Variants in TRIM71 observed in about 807,000 individuals in gnomAD.
TRIM71 encodes the protein E3 ubiquitin-protein ligase TRIM71.
A neutral mutation model predicts 61.2 loss-of-function variants in TRIM71; 9 were observed. That is an observed-to-expected ratio of 0.15 (90% CI 0.09 to 0.26). The LOEUF is 0.26. Among genes scored for constraint, TRIM71 ranks in the 10% least tolerant of loss-of-function variants. The pLI is 1.00. For missense variants in TRIM71, 998 were observed against 1,238.7 expected (o/e 0.81, Z 2.92); for synonymous variants, 645 against 553.2 (o/e 1.17, Z -2.33).
chr3:32,883,029 T>C (rs764080602), intron 2 of TRIM71, among the ~76,000 whole-genome samples: 8 of 152,226 alleles, frequency 5.3e-5, no homozygotes, highest in African/African-American at 1.9e-4. Context: ...ACTCTCTGCC[T>C]CAGTGTGCTC....
chr3:32,834,771 G>A (rs1230708051), intron 1 of TRIM71, among the ~76,000 whole-genome samples: 1 of 152,126 alleles, frequency 6.6e-6, no homozygotes, highest in Non-Finnish European at 1.5e-5. Flanking sequence ...GAACCTGGGA[G>A]GTGGAGGTTG....
At position 32,897,476 on chromosome 3, in the gene TRIM71, C is replaced by A. The variant is rs893653998; in HGVS notation, c.*5665C>A. ...GGGAAATGAAGATTTCCCCCCAAACCTTTAGGCAAAAGTGAGTTTTTGTTT... is the reference window on the plus strand; with the variant it reads ...GGGAAATGAAGATTTCCCCCCAAACATTTAGGCAAAAGTGAGTTTTTGTTT... On this transcript the variant is annotated 3_prime_UTR_variant, in exon 4 of 4. Transcript: ENST00000383763. 6.6e-6 allele frequency: 1 copy of A among 152,102 alleles called. No homozygotes were observed. The highest frequency in any genetic ancestry group is 1.5e-5 in the Non-Finnish European group (1 of 68,020). 9.4% of individuals were successfully genotyped at this position (152,102 alleles called of 1,614,324 possible).
intron 2 of TRIM71, among the ~76,000 whole-genome samples, chr3:32,885,409 C>T (rs1696949502): frequency 6.6e-6 from 1 of 152,168 alleles, no homozygotes; most frequent in Non-Finnish European, 1.5e-5. Context: ...GGGATATTCC[C>T]AGTGTGCACT....
chr3:32,829,180 CTTTTCTTTTTTTT>C (rs914051534), intron 1 of TRIM71, among the ~76,000 whole-genome samples: 6 of 143,620 alleles, frequency 4.2e-5, no homozygotes, highest in Non-Finnish European at 6.1e-5. Flanking sequence ...TTTCTTTTTT[CTTTTCTTTTTTTT>C]TTTTTTTTGA....
At chr3:32,869,988 G>T (rs558276434) in intron 1 of TRIM71, among the ~76,000 whole-genome samples, 2 of 152,190 alleles carry the variant, frequency 1.3e-5, no homozygotes, top group Non-Finnish European at 2.9e-5. Flanking sequence ...CCCGGGAGCC[G>T]CTGTTCATGG....
rs566740916 is a variant in TRIM71, at chr3:32,888,530, G to A, written c.1156-1830G>A. On this transcript the variant is annotated intron_variant, in intron 3 of 3. Coordinates refer to ENST00000383763, the MANE Select transcript of TRIM71 (RefSeq NM_001039111.3). ...ACATTTCCCAAGCTAATCCTTTTGC[G>A]GTTTGTTGTTGTTGTTGTTGTTGTT... Among the ~76,000 whole-genome samples, 63 of 148,088 alleles carry A rather than the reference G, an allele frequency of 4.3e-4. 1 individual carries two copies. Among genetic ancestry groups the A allele is most frequent in the African/African-American group, 1.5e-3 (58 of 38,944 alleles).
intron 1 of TRIM71, among the ~76,000 whole-genome samples, chr3:32,841,059 A>T (rs553558273): frequency 1.7e-3 from 263 of 151,670 alleles, no homozygotes; most frequent in African/African-American, 6.1e-3. Context: ...ATCCTGGCTA[A>T]CCTGGTGAAA....
At chr3:32,871,969 T>C (rs1027070893) in intron 1 of TRIM71, among the ~76,000 whole-genome samples, 3 of 152,094 alleles carry the variant, frequency 2.0e-5, no homozygotes, top group Non-Finnish European at 4.4e-5. Flanking sequence ...GGGTGAAACC[T>C]CATCTCTACT....
chr3:32,850,465 A>G (rs1335810933), intron 1 of TRIM71, among the ~76,000 whole-genome samples: 1 of 152,224 alleles, frequency 6.6e-6, no homozygotes. Context: ...ACTGCTTTTA[A>G]ATAGGCCCAA....
intron 1 of TRIM71, among the ~76,000 whole-genome samples, chr3:32,824,346 T>G (rs1249887469): frequency 1.3e-5 from 2 of 151,698 alleles, no homozygotes; most frequent in African/African-American, 4.8e-5. Flanking sequence ...TCCGGCTAAT[T>G]TTTTTTCTTT....
rs573246847 is a variant in TRIM71, at chr3:32,836,385, C to T, written c.852+17453C>T. ...CCTCCTGAATTCCCTGCTCCTGTTC[C>T]TGGGCTGATATCTTGGGTTAAAAAA... On this transcript the variant is annotated intron_variant, in intron 1 of 3. Coordinates refer to ENST00000383763, the MANE Select transcript of TRIM71 (RefSeq NM_001039111.3). 2.6e-5 allele frequency among the ~76,000 whole-genome samples: 4 copies of T among 152,254 alleles called. No individual in the cohort carries two copies. In the South Asian group the frequency reaches 8.3e-4, roughly 32 times the overall value.
rs71068093 is a variant in TRIM71, at chr3:32,831,536, C to CTTTTT, written c.852+12620_852+12624dup. On this transcript the variant is annotated intron_variant, in intron 1 of 3. Coordinates refer to ENST00000383763, the MANE Select transcript of TRIM71 (RefSeq NM_001039111.3). The stretch of plus-strand genomic sequence containing the variant: ...AAATTAAATAATGTTGCTTATCTTC[C>CTTTTT]TTTTTTTTTTTTTTTTTTTTGAGAC... 5.8e-3 allele frequency among the ~76,000 whole-genome samples: 556 copies of CTTTTT among 96,674 alleles called. 15 individuals are homozygous for CTTTTT. Among genetic ancestry groups the CTTTTT allele is most frequent in the Non-Finnish European group, 8.8e-3 (426 of 48,392 alleles). The allele number at this position is 96,674 out of a possible 152,430, so 63.4% of individuals were successfully genotyped here. A position where few individuals can be genotyped will look rare whatever the true frequency, so the allele number is the denominator to read the frequency against.
At chr3:32,886,198 A>G in intron 3 of TRIM71, 130 bp downstream of exon 3, 1 of 1,262,808 alleles carries the variant, frequency 7.9e-7, no homozygotes, top group African/African-American at 1.5e-5. Context: ...ATTTTCCAGA[A>G]AGCCTGTTAG....
chr3:32,831,229 A>G (rs1012821089), intron 1 of TRIM71, among the ~76,000 whole-genome samples: 3 of 152,166 alleles, frequency 2.0e-5, no homozygotes, highest in South Asian at 4.1e-4. Context: ...AGGTAAGACC[A>G]TGAGCTACAG....
chr3:32,838,522 C>CT (rs11361989), intron 1 of TRIM71, among the ~76,000 whole-genome samples: 32,794 of 136,434 alleles, frequency 0.24, 4,478 homozygotes, highest in African/African-American at 0.38. Flanking sequence ...TGCACCTGGC[C>CT]TTTTTTTTTT....
chr3:32,869,487 CT>C (rs1696773996), intron 1 of TRIM71, among the ~76,000 whole-genome samples: 2 of 152,154 alleles, frequency 1.3e-5, no homozygotes, highest in Non-Finnish European at 2.9e-5. Flanking sequence ...GTGTGTGTTC[CT>C]TGTTGGGCCA....
In TRIM71 at chr3:32,895,363, T is replaced by C. The variant is rs1420110754; in HGVS notation, c.*3552T>C. The C allele has an allele frequency of 6.6e-6, 1 of 152,208 alleles. No homozygotes were observed. The highest frequency in any genetic ancestry group is 1.5e-5 in the Non-Finnish European group (1 of 68,042). 9.4% of individuals were successfully genotyped at this position (152,208 alleles called of 1,614,324 possible). On this transcript the variant is annotated 3_prime_UTR_variant, in exon 4 of 4. Coordinates refer to ENST00000383763, the MANE Select transcript of TRIM71 (RefSeq NM_001039111.3). ...AAATGTTGCCAGAACTGAGGCACTT[T>C]GTGATGGAGTTGCAAGAGATAGCTT...
At chr3:32,868,686 GTT>G (rs374629897) in intron 1 of TRIM71, among the ~76,000 whole-genome samples, 9 of 140,118 alleles carry the variant, frequency 6.4e-5, no homozygotes, top group Admixed American at 2.1e-4. Flanking sequence ...AGACATTAGG[GTT>G]TTTTTTTTTT....
chr3:32,818,537 G>T lies in TRIM71; in HGVS notation c.457G>T (p.Ala153Ser), dbSNP rs1397842416. The change falls in exon 1 of 4, where the codon GCT (alanine) becomes TCT (serine). Residue 153 changes from alanine (A) to serine (S), a missense_variant. Physicochemically the swap from Ala to Ser is moderately conservative, Grantham distance 99 (BLOSUM62 1). Around this residue, in one of 5 missense-constraint regions of TRIM71, gnomAD observed 527 missense variants for 427.8 expected, o/e 1.23. Transcript: ENST00000383763. ...CGGCCACAGCAACCACCGGCACCAC[G>T]CTCACCACGCGCACCCGCGCGCGTC... ...AGGHSNHRHH[A>S]HHAHPRASAS... 5.2e-6 allele frequency: 7 copies of T among 1,339,706 alleles called. No individual in the cohort carries two copies. Among genetic ancestry groups the T allele is most frequent in the East Asian group, 3.3e-5 (1 of 30,124 alleles). 83.0% of individuals were successfully genotyped at this position (1,339,706 alleles called of 1,614,324 possible). A position where few individuals can be genotyped will look rare whatever the true frequency, so the allele number is the denominator to read the frequency against.
Sources: allele counts gnomAD v4.1 joint callset (sites outside exome capture counted in the v4.1 genomes callset), GRCh38; gene constraint gnomAD v4.1.1; regional missense constraint gnomAD v4.1.1; transcripts MANE v1.5; gene names NCBI Gene and HGNC (gene_info 2026-07-23, HGNC 2026-07-21).